Variants in CTNNA2 observed in about 807,000 individuals in gnomAD.
CTNNA2 encodes catenin alpha 2, also known as catenin alpha-2.
A neutral mutation model predicts 101.0 loss-of-function variants in CTNNA2; 42 were observed. The ratio of observed to expected loss-of-function variants is 0.42; its 90% CI spans 0.32 to 0.54. The LOEUF is 0.54. CTNNA2 is among the 20% of genes least tolerant of loss of function. The pLI, the probability that CTNNA2 is intolerant of heterozygous loss-of-function variation, is 0.14. For synonymous variants in CTNNA2, 450 were observed against 456.4 expected (o/e 0.99, Z 0.18); for missense variants, 871 against 1,223.1 (o/e 0.71, Z 4.29).
At chr2:79,976,538 G>T (rs1690854514) in intron 7 of CTNNA2, among the ~76,000 whole-genome samples, 2 of 152,168 alleles carry the variant, frequency 1.3e-5, no homozygotes, top group Admixed American at 1.3e-4. Flanking sequence ...TGTCCCAGTG[G>T]ATTAAAAGTT....
chr2:80,088,848 G>T (rs543843035), intron 7 of CTNNA2, among the ~76,000 whole-genome samples: 1 of 152,130 alleles, frequency 6.6e-6, no homozygotes, highest in East Asian at 1.9e-4. Flanking sequence ...GGCTTAAATC[G>T]CTGTTAACTG....
chr2:80,350,922 G>A (rs1027680411), intron 7 of CTNNA2, among the ~76,000 whole-genome samples: 1 of 152,126 alleles, frequency 6.6e-6, no homozygotes, highest in Non-Finnish European at 1.5e-5. Flanking sequence ...ACTCTCATGT[G>A]ACAATAATTT....
In CTNNA2 at chr2:80,302,286, A is replaced by G. The variant is rs868345609; in HGVS notation, c.1057-90925A>G. 6 of 1,613,788 alleles carry G rather than the reference A, an allele frequency of 3.7e-6. No homozygotes were observed. In the African/African-American group the frequency reaches 6.7e-5, roughly 18 times the overall value. ...CATTCCCTCGCGGGCTGCTGGTGGC[A>G]GGTACACGAGCCATACTCGTTGATG... On this transcript the variant is annotated intron_variant, in intron 7 of 18. Transcript: ENST00000402739. The surrounding 1 kb of genome is among the most constrained non-coding windows in gnomAD (Gnocchi z 6.4).
intron 4 of CTNNA2, among the ~76,000 whole-genome samples, chr2:79,495,404 G>A (rs1671246154): frequency 6.6e-6 from 1 of 152,082 alleles, no homozygotes. Context: ...AAATGCAAAT[G>A]AAAACCAAAA....
chr2:80,241,536 C>T (rs1670940231), intron 7 of CTNNA2, among the ~76,000 whole-genome samples: 1 of 151,814 alleles, frequency 6.6e-6, no homozygotes, highest in African/African-American at 2.4e-5. Flanking sequence ...ATATAAAATG[C>T]CATATATATC....
intron 7 of CTNNA2, among the ~76,000 whole-genome samples, chr2:80,386,528 C>A (rs1204929699): frequency 3.3e-5 from 5 of 152,106 alleles, no homozygotes; most frequent in African/African-American, 1.2e-4. Context: ...AGGTGGGCAA[C>A]CCTCCAAAAA....
Position 80,574,317 on chromosome 2 carries a change from A to G in CTNNA2, c.1893+3A>G, listed in dbSNP as rs1196470040. 2.5e-6 allele frequency: 4 copies of G among 1,607,702 alleles called. No homozygotes were observed. Among genetic ancestry groups the G allele is most frequent in the Non-Finnish European group, 2.6e-6 (3 of 1,175,102 alleles). On this transcript the variant is annotated splice_donor_region_variant and intron_variant, in intron 13 of 18. Transcript: ENST00000402739. ...GAAAGGCTGTGCTGATGATCAGGGTATGTGAGGCCTCTGTAGCTCAGAGCT... is the reference window on the plus strand; with the variant it reads ...GAAAGGCTGTGCTGATGATCAGGGTGTGTGAGGCCTCTGTAGCTCAGAGCT...
intron 2 of CTNNA2, among the ~76,000 whole-genome samples, chr2:79,269,957 T>C (rs541969871): frequency 2.8e-4 from 42 of 152,258 alleles, no homozygotes; most frequent in African/African-American, 1.0e-3. Flanking sequence ...CAGTACAGGA[T>C]GGCCACTGGT....
At chr2:79,232,139 T>A (rs1435296776) in intron 2 of CTNNA2, among the ~76,000 whole-genome samples, 2 of 152,166 alleles carry the variant, frequency 1.3e-5, no homozygotes, top group Non-Finnish European at 2.9e-5. Flanking sequence ...TTGTTCCAGT[T>A]CTCAAGGGGA....
At chr2:80,498,520 C>T (rs1194327492) in intron 9 of CTNNA2, among the ~76,000 whole-genome samples, 1 of 152,160 alleles carries the variant, frequency 6.6e-6, no homozygotes, top group Non-Finnish European at 1.5e-5. Flanking sequence ...TTCTAAAGGG[C>T]CCTTTCAGCA....
intron 3 of CTNNA2, among the ~76,000 whole-genome samples, chr2:79,747,313 A>G (rs58762590): frequency 6.6e-6 from 1 of 152,312 alleles, no homozygotes; most frequent in African/African-American, 2.4e-5. Context: ...GTTTTCATGC[A>G]TCTATAGCCT....
At chr2:80,406,365 A>G (rs1374067792) in intron 8 of CTNNA2, among the ~76,000 whole-genome samples, 3 of 151,382 alleles carry the variant, frequency 2.0e-5, no homozygotes, top group Non-Finnish European at 4.4e-5. Flanking sequence ...CCTTTGAGCA[A>G]GGCTGGGAAA....
chr2:79,499,689 G>A (rs563264371), intron 4 of CTNNA2, among the ~76,000 whole-genome samples: 6 of 152,222 alleles, frequency 3.9e-5, no homozygotes, highest in Admixed American at 2.6e-4. Flanking sequence ...CCATTTTGAT[G>A]TTTCTTCATT....
intron 3 of CTNNA2, among the ~76,000 whole-genome samples, chr2:79,347,028 C>T (rs902042862): frequency 6.6e-6 from 1 of 152,116 alleles, no homozygotes; most frequent in Non-Finnish European, 1.5e-5. Context: ...CAATTAAAGT[C>T]CAAACTTCAA....
intron 1 of CTNNA2, among the ~76,000 whole-genome samples, chr2:79,535,102 T>G (rs911189574): frequency 6.6e-6 from 1 of 152,142 alleles, no homozygotes; most frequent in African/African-American, 2.4e-5. Context: ...TGCAAAAAAA[T>G]TTAACATATG....
intron 3 of CTNNA2, among the ~76,000 whole-genome samples, chr2:79,760,741 G>T (rs914043382): frequency 1.3e-5 from 2 of 152,124 alleles, no homozygotes; most frequent in African/African-American, 2.4e-5. Flanking sequence ...TGAAATAATT[G>T]TACTTATGTA....
At chr2:79,790,605 A>G (rs1004891112) in intron 3 of CTNNA2, among the ~76,000 whole-genome samples, 1 of 152,228 alleles carries the variant, frequency 6.6e-6, no homozygotes, top group African/African-American at 2.4e-5. Context: ...TGACTTTTAA[A>G]TGAAATTACT....
chr2:80,135,205 C>G (rs1467515191), intron 7 of CTNNA2, among the ~76,000 whole-genome samples: 1 of 152,122 alleles, frequency 6.6e-6, no homozygotes, highest in African/African-American at 2.4e-5. Flanking sequence ...GAGACTTGGG[C>G]TAGGGGCCAA....
rs5832387 is a variant in CTNNA2 at position 79,394,787 on chromosome 2, A to ATTT, written c.-135+20780_-135+20782dup. 4.6e-5 allele frequency among the ~76,000 whole-genome samples: 7 copies of ATTT among 151,868 alleles called. No homozygotes were observed. The South Asian group carries it at 6.2e-4, about 14-fold the overall frequency. Reference sequence around the variant, plus strand: ...AAGAGCTTTCGTTTTACTTAAAAAAATTTTTTTTGTATGCTAAATGTAAAA... The same window carrying ATTT: ...AAGAGCTTTCGTTTTACTTAAAAAAATTTTTTTTTTTGTATGCTAAATGTAAAA... On this transcript the variant is annotated intron_variant, in intron 4 of 21. Transcript: ENST00000466387.
Sources: allele counts gnomAD v4.1 joint callset (sites outside exome capture counted in the v4.1 genomes callset), GRCh38; gene constraint gnomAD v4.1.1; non-coding constraint Gnocchi (gnomAD v3.1); transcripts MANE v1.5; gene names NCBI Gene and HGNC (gene_info 2026-07-23, HGNC 2026-07-21).